Variants in COX11 observed in about 807,000 individuals in gnomAD.
COX11 encodes the protein cytochrome c oxidase assembly protein COX11, mitochondrial.
In COX11, 18 loss-of-function variants were observed where a neutral mutation model predicts 29.4. The ratio of observed to expected loss-of-function variants is 0.61; its 90% CI spans 0.42 to 0.91. The LOEUF (loss-of-function observed/expected upper bound fraction) is 0.91, where lower values mean the gene tolerates loss of function less well. COX11 is among the 40% of genes least tolerant of loss of function. COX11 has a pLI of 0.00. For missense variants in COX11, 312 were observed against 346.0 expected (o/e 0.90, Z 0.78); for synonymous variants, 131 against 124.0 (o/e 1.06, Z -0.38).
At chr17:54,955,405 GT>G (rs1317096573), upstream of COX11, among the ~76,000 whole-genome samples, 10 of 152,234 alleles carry the variant, frequency 6.6e-5, no homozygotes, top group African/African-American at 2.2e-4. Flanking sequence ...CTGCATTCTG[GT>G]TCCAGGGATC....
At chr17:54,959,251 T>C (rs573307421), downstream of COX11, 4 of 152,314 alleles carry the variant, frequency 2.6e-5, no homozygotes, top group Non-Finnish European at 4.4e-5. Flanking sequence ...TGTTTTGCTA[T>C]ACTGTATATA....
Position 54,962,695 on chromosome 17 carries a change from A to G in COX11, c.*38T>C, listed in dbSNP as rs1254190844. 6.3e-7 allele frequency: 1 copy of G among 1,595,314 alleles called. No individual in the cohort carries two copies. Among genetic ancestry groups the G allele is most frequent in the Admixed American group, 1.8e-5 (1 of 56,064 alleles). ...AGAAGATAGGATATATGATTTTCCCAAAAATCACAACTTTGAAGGAAGACT... is the reference window on the plus strand; with the variant it reads ...AGAAGATAGGATATATGATTTTCCCGAAAATCACAACTTTGAAGGAAGACT... On this transcript the variant is annotated 3_prime_UTR_variant, in exon 4 of 4. Transcript: ENST00000299335.
Position 54,968,410 on chromosome 17 carries a change from A to G in COX11, c.237T>C (p.Pro79=). The G allele has an allele frequency of 6.2e-7, 1 of 1,613,334 alleles. No individual in the cohort carries two copies. The highest frequency in any genetic ancestry group is 8.5e-7 in the Non-Finnish European group (1 of 1,179,966). Residue 79 remains proline (P), a synonymous_variant, in exon 1 of 4, where the codon CCT becomes CCC. Coordinates refer to ENST00000299335, the MANE Select transcript of COX11 (RefSeq NM_004375.5). ...QPPRRPKSSN[P]FTRAQEEERR... ...GCTCCTCCTCCTGCGCGCGTGTGAAAGGGTTCGAGCTCTTAGGCCGCCGCG... is the reference window on the plus strand; with the variant it reads ...GCTCCTCCTCCTGCGCGCGTGTGAAGGGGTTCGAGCTCTTAGGCCGCCGCG...
At chr17:54,963,561 A>G in intron 2 of COX11, 130 bp from the exon 3 acceptor site, 1 of 872,600 alleles carries the variant, frequency 1.1e-6, no homozygotes, top group East Asian at 2.9e-5. Flanking sequence ...GGGTTCAGCA[A>G]AATAAATTGT....
At chr17:54,959,680 C>A (rs762826648), downstream of COX11, among the ~76,000 whole-genome samples, 1 of 150,270 alleles carries the variant, frequency 6.7e-6, no homozygotes, top group African/African-American at 2.5e-5. Context: ...TGCAGTGGCA[C>A]GATCTCAGCT....
At chr17:54,957,291 T>C (rs2024465), downstream of COX11, 44,722 of 152,138 alleles carry the variant, frequency 0.29, 6,906 homozygotes, top group African/African-American at 0.35. Context: ...GTCCACTATG[T>C]ATTTTTTCCT....
rs141526232 is a variant in COX11, at chr17:54,967,952, G to A, written c.366+329C>T. 2.9e-3 allele frequency among the ~76,000 whole-genome samples: 439 copies of A among 150,504 alleles called. 2 individuals are homozygous for A. The highest frequency in any genetic ancestry group is 0.01 in the African/African-American group (424 of 41,076). ...ACATTTTAAAAGCGTGTGTGCGCAG[G>A]AGGGTAAGGCAGACTGCTAGATACC... On this transcript the variant is annotated intron_variant, in intron 1 of 3. Transcript: ENST00000299335.
chr17:54,961,576 T>A lies in COX11; in HGVS notation c.*1157A>T. The stretch of plus-strand genomic sequence containing the variant: ...AATCGTCACACAGCTGTGATAAGAG[T>A]AGATTATTTTACTATGAAATAATTC... On this transcript the variant is annotated 3_prime_UTR_variant, in exon 4 of 4. Transcript: ENST00000299335. 1 of 1,275,122 alleles carries A rather than the reference T, an allele frequency of 7.8e-7. No homozygotes were observed. The highest frequency in any genetic ancestry group is 9.9e-7 in the Non-Finnish European group (1 of 1,009,638). 79.0% of individuals were successfully genotyped at this position (1,275,122 alleles called of 1,614,324 possible).
chr17:54,966,334 A>G (rs555168432), intron 1 of COX11, among the ~76,000 whole-genome samples: 1 of 152,354 alleles, frequency 6.6e-6, no homozygotes, highest in Admixed American at 6.5e-5. Context: ...TTGTGCTACT[A>G]GCTCTAAGAA....
At chr17:54,968,682 A>C, upstream of COX11, 2 of 1,584,824 alleles carry the variant, frequency 1.3e-6, no homozygotes, top group South Asian at 2.2e-5. Context: ...CCTCTCAGGG[A>C]CGAGAGGTCA....
At chr17:54,964,601 TC>T in intron 2 of COX11, 95 bp downstream of exon 2, 1 of 1,128,984 alleles carries the variant, frequency 8.9e-7, no homozygotes. Context: ...TTTATTAGAA[TC>T]ATAGTGTTAA....
Position 54,962,519 on chromosome 17 carries a change from A to T in COX11, c.*214T>A, listed in dbSNP as rs1350269584. 1.5e-5 allele frequency: 19 copies of T among 1,249,958 alleles called. No homozygotes were observed. Among genetic ancestry groups the T allele is most frequent in the Middle Eastern group, 3.2e-4 (1 of 3,160 alleles). 77.4% of individuals were successfully genotyped at this position (1,249,958 alleles called of 1,614,324 possible). ...TATCAAACTCTTCAGTATGGTATTG[A>T]ATAGTCAGTCATATATTCTAGCTAG... On this transcript the variant is annotated 3_prime_UTR_variant, in exon 4 of 4. Transcript: ENST00000299335.
At position 54,962,735 on chromosome 17, in the gene COX11, A is replaced by T; in HGVS notation, c.829T>A (p.Ter277ArgextTer11). Residue 277 changes from the stop codon to arginine (R), a stop_lost, in exon 4 of 4, where the codon TGA becomes AGA. Coordinates refer to ENST00000299335, the MANE Select transcript of COX11 (RefSeq NM_004375.5). ...GHKLPVPGYN[*>R] is the part of the protein sequence containing the mutation. The stretch of plus-strand genomic sequence containing the variant: ...GAAGGAAGACTTAGTTGCTGACTTC[A>T]ATTATATCCTGGAACTGGCAACTTG... The T allele has an allele frequency of 6.2e-7, 1 of 1,609,982 alleles. No individual in the cohort carries two copies. Among genetic ancestry groups the T allele is most frequent in the Non-Finnish European group, 8.5e-7 (1 of 1,178,776 alleles).
In COX11 at chr17:54,961,978, C is replaced by T; in HGVS notation, c.*755G>A. 1.0e-6 allele frequency: 1 copy of T among 954,480 alleles called. No individual in the cohort carries two copies. The highest frequency in any genetic ancestry group is 1.2e-6 in the Non-Finnish European group (1 of 803,280). The allele number at this position is 954,480 out of a possible 1,614,324, so 59.1% of individuals were successfully genotyped here. The stretch of plus-strand genomic sequence containing the variant: ...ACAATTTAATACTTTTTTTTTTTAA[C>T]AAAGGTTTGTTTCCAGAAGAACTTT... On this transcript the variant is annotated 3_prime_UTR_variant, in exon 4 of 4. Coordinates refer to ENST00000299335, the MANE Select transcript of COX11 (RefSeq NM_004375.5).
Position 54,962,058 on chromosome 17 carries a change from G to C in COX11, c.*675C>G. Reference sequence around the variant, plus strand: ...TGTACATTTTAACATTCATGGACTTGTAATGGTGATGCTTTGGCTAACAGC... The same window carrying C: ...TGTACATTTTAACATTCATGGACTTCTAATGGTGATGCTTTGGCTAACAGC... On this transcript the variant is annotated 3_prime_UTR_variant, in exon 4 of 4. Transcript: ENST00000299335. 2.0e-6 allele frequency: 2 copies of C among 983,916 alleles called. No homozygotes were observed. The highest frequency in any genetic ancestry group is 2.4e-6 in the Non-Finnish European group (2 of 828,752). 60.9% of individuals were successfully genotyped at this position (983,916 alleles called of 1,614,324 possible).
At chr17:54,955,370 C>CA (rs1217239288), upstream of COX11, among the ~76,000 whole-genome samples, 3 of 152,168 alleles carry the variant, frequency 2.0e-5, no homozygotes, top group African/African-American at 7.2e-5. Flanking sequence ...AAAGCACACA[C>CA]ACTGTTCATG....
Position 54,960,665 on chromosome 17 carries a change from C to T in COX11, c.*2068G>A. 7.0e-7 allele frequency: 1 copy of T among 1,435,046 alleles called. No individual in the cohort carries two copies. Among genetic ancestry groups the T allele is most frequent in the East Asian group, 2.3e-5 (1 of 43,962 alleles). The allele number at this position is 1,435,046 out of a possible 1,614,324, so 88.9% of individuals were successfully genotyped here. On this transcript the variant is annotated 3_prime_UTR_variant, in exon 4 of 4. Coordinates refer to ENST00000299335, the MANE Select transcript of COX11 (RefSeq NM_004375.5). Reference sequence around the variant, plus strand: ...ACTTATACAACTTAATTCCATATTCCATATAATTTCAGTATAATTATCACT... The same window carrying T: ...ACTTATACAACTTAATTCCATATTCTATATAATTTCAGTATAATTATCACT...
intron 1 of COX11, among the ~76,000 whole-genome samples, chr17:54,965,715 G>C (rs1431293223): frequency 6.6e-6 from 1 of 152,000 alleles, no homozygotes; most frequent in Admixed American, 6.6e-5. Context: ...TGTAGTCCCA[G>C]GTCTACTCGG....
intron 1 of COX11, 119 bp downstream of exon 1, chr17:54,968,162 T>C (rs1469101645): frequency 6.9e-6 from 10 of 1,459,600 alleles, no homozygotes; most frequent in Non-Finnish European, 8.2e-6. Context: ...TCCTCTTAGG[T>C]AGATAATATC....
Sources: gnomAD v4.1 joint callset for allele counts (sites outside exome capture counted in the v4.1 genomes callset) on GRCh38, gnomAD v4.1.1 for gene constraint, MANE v1.5 for transcripts, NCBI Gene and HGNC (gene_info 2026-07-23, HGNC 2026-07-21) for gene names.